The following TRDMT1 variants were observed in gnomAD, a reference collection of about 807,000 sequenced individuals.
The protein encoded by TRDMT1 is tRNA (cytosine(38)-C(5))-methyltransferase.
In TRDMT1, 49 loss-of-function variants were observed where a neutral mutation model predicts 51.2. The ratio of observed to expected loss-of-function variants is 0.96; its 90% CI spans 0.76 to 1.21. The LOEUF is 1.21. Ranked by LOEUF, TRDMT1 falls within the 50% of genes most tolerant of loss-of-function variation. TRDMT1 has a pLI of 0.00. For synonymous variants in TRDMT1, 187 were observed against 164.6 expected (o/e 1.14, Z -1.04); for missense variants, 534 against 462.3 (o/e 1.16, Z -1.42).
At chr10:17,169,315 A>G (rs1841647013) in intron 2 of TRDMT1, 1 of 1,183,526 alleles carries the variant, frequency 8.4e-7, no homozygotes, top group African/African-American at 1.6e-5. Context: ...CCTACCTGTC[A>G]ATAATGTTCT....
At chr10:17,156,106 T>C (rs1012522577) in intron 8 of TRDMT1, among the ~76,000 whole-genome samples, 2 of 152,164 alleles carry the variant, frequency 1.3e-5, no homozygotes, top group African/African-American at 4.8e-5. Context: ...GGGTACAGTG[T>C]ATCATACAAG....
intron 7 of TRDMT1, 22 bp from the exon 8 acceptor site, chr10:17,157,806 CA>C: frequency 6.6e-7 from 1 of 1,504,622 alleles, no homozygotes; most frequent in Non-Finnish European, 8.9e-7. Flanking sequence ...TAAAAATACA[CA>C]AATTGTCAAA....
chr10:17,169,961 G>C (rs1841746678), intron 2 of TRDMT1, among the ~76,000 whole-genome samples: 1 of 152,276 alleles, frequency 6.6e-6, no homozygotes, highest in East Asian at 1.9e-4. Context: ...AACACACGGG[G>C]CAGGGTATTA....
At chr10:17,188,765 T>G (rs983469568) in intron 1 of TRDMT1, among the ~76,000 whole-genome samples, 1 of 152,166 alleles carries the variant, frequency 6.6e-6, no homozygotes, top group African/African-American at 2.4e-5. Context: ...CCTTTTTGAG[T>G]TCGTGTATAA....
At chr10:17,186,628 C>G (rs994459435) in intron 1 of TRDMT1, among the ~76,000 whole-genome samples, 36 of 152,098 alleles carry the variant, frequency 2.4e-4, no homozygotes, top group South Asian at 2.1e-4. Flanking sequence ...GATAATAAAC[C>G]TGTGTTGCTT....
At chr10:17,158,980 A>G (rs1034562646) in intron 7 of TRDMT1, among the ~76,000 whole-genome samples, 166 bp downstream of exon 7, 7 of 152,144 alleles carry the variant, frequency 4.6e-5, no homozygotes, top group Admixed American at 3.3e-4. Context: ...AAAAGTGGCA[A>G]GATGAAAACA....
In TRDMT1 at chr10:17,145,120, G is replaced by T; in HGVS notation, c.*3920C>A. On this transcript the variant is annotated 3_prime_UTR_variant, in exon 11 of 11. Transcript: ENST00000377799. ...AAATTAGCTAGGTGTGGTGGCATGC[G>T]CCTGTAATCCCAGCTACTAGGGAGG... 1.8e-6 allele frequency: 1 copy of T among 563,876 alleles called. No homozygotes were observed. Among genetic ancestry groups the T allele is most frequent in the Non-Finnish European group, 2.2e-6 (1 of 445,000 alleles). 34.9% of individuals were successfully genotyped at this position (563,876 alleles called of 1,614,324 possible).
intron 1 of TRDMT1, among the ~76,000 whole-genome samples, chr10:17,185,610 A>C (rs1843781932): frequency 6.6e-6 from 1 of 152,212 alleles, no homozygotes; most frequent in South Asian, 2.1e-4. Flanking sequence ...ATGCACACGT[A>C]TGTTTATTGC....
Position 17,147,459 on chromosome 10 carries a change from A to G in TRDMT1, c.*1581T>C, listed in dbSNP as rs1485049888. ...TAAATATACAGTTGCAGTGGCATTA[A>G]GTACACTCACACTGTTGTGCAACCA... is the stretch of plus-strand genomic sequence containing the variant. On this transcript the variant is annotated 3_prime_UTR_variant, in exon 11 of 11. Transcript: ENST00000377799. 1.7e-6 allele frequency: 1 copy of G among 596,296 alleles called. No homozygotes were observed. Among genetic ancestry groups the G allele is most frequent in the African/African-American group, 2.0e-5 (1 of 49,672 alleles). The allele number at this position is 596,296 out of a possible 1,614,324, so 36.9% of individuals were successfully genotyped here.
chr10:17,150,297 A>T (rs1405700515), intron 10 of TRDMT1: 1 of 765,028 alleles, frequency 1.3e-6, no homozygotes, highest in African/African-American at 1.9e-5. Context: ...TGTTGACTCA[A>T]ATCCTTGCCC....
rs557869362 is a variant in TRDMT1 at position 17,178,205 on chromosome 10, T to C, written c.65-3545A>G. ...TTAATCAAGTATGTTAACACTGACA[T>C]CTAGTTGTAAGATGAAAGATCAGTT... On this transcript the variant is annotated intron_variant, in intron 1 of 10. Coordinates refer to ENST00000377799, the MANE Select transcript of TRDMT1 (RefSeq NM_004412.7). Among the ~76,000 whole-genome samples the C allele has an allele frequency of 5.9e-5, 9 of 152,312 alleles. No homozygotes were observed. In the South Asian group the frequency reaches 8.3e-4, roughly 14 times the overall value.
intron 5 of TRDMT1, 72 bp from the exon 6 acceptor site, chr10:17,160,446 G>A: frequency 9.5e-7 from 1 of 1,051,608 alleles, no homozygotes; most frequent in Non-Finnish European, 1.3e-6. Flanking sequence ...GTACACAAAA[G>A]CTGGGTTTCT....
chr10:17,176,817 T>C (rs1010681554), intron 1 of TRDMT1, among the ~76,000 whole-genome samples: 1 of 152,222 alleles, frequency 6.6e-6, no homozygotes, highest in Non-Finnish European at 1.5e-5. Context: ...TTTCTTAGTA[T>C]ACAGTTTAAA....
Position 17,154,608 on chromosome 10 carries a change from G to A in TRDMT1, c.945+69C>T, listed in dbSNP as rs182399517. The A allele has an allele frequency of 1.2e-3, 1,417 of 1,227,452 alleles. 9 individuals carry two copies. The highest frequency in any genetic ancestry group is 6.4e-3 in the East Asian group (245 of 38,074). The allele number at this position is 1,227,452 out of a possible 1,614,324, so 76.0% of individuals were successfully genotyped here. ...GTTGAATGCATAAAATTATTCTAAT[G>A]TTCTCAAAGTATTAAACAATTTTAG... is the stretch of plus-strand genomic sequence containing the variant. On this transcript the variant is annotated intron_variant, in intron 9 of 10. Transcript: ENST00000377799.
chr10:17,189,372 T>C (rs959214817), intron 1 of TRDMT1, among the ~76,000 whole-genome samples: 2 of 152,158 alleles, frequency 1.3e-5, no homozygotes, highest in Admixed American at 1.3e-4. Context: ...TTGCCATATA[T>C]GGATATGCAA....
At position 17,141,350 on chromosome 10, in the gene TRDMT1, C is replaced by T. The variant is rs552134263; in HGVS notation, c.*7690G>A. ...CTAATTTTTTTGATTTTAGTAGAGA[C>T]GGGGTTTCACCATGTTGGAAAGGAT... On this transcript the variant is annotated 3_prime_UTR_variant, in exon 11 of 11. Transcript: ENST00000377799. Among the ~76,000 whole-genome samples, 3 of 152,146 alleles carry T rather than the reference C, an allele frequency of 2.0e-5. No individual in the cohort carries two copies. The highest frequency in any genetic ancestry group is 1.9e-4 in the East Asian group (1 of 5,172).
intron 5 of TRDMT1, among the ~76,000 whole-genome samples, chr10:17,160,948 T>A (rs1840265723): frequency 6.6e-6 from 1 of 151,886 alleles, no homozygotes; most frequent in African/African-American, 2.4e-5. Context: ...AAAGTCAGAA[T>A]TGCTAATCTA....
At chr10:17,165,915 T>C (rs970204401) in intron 3 of TRDMT1, among the ~76,000 whole-genome samples, 1 of 152,148 alleles carries the variant, frequency 6.6e-6, no homozygotes, top group Non-Finnish European at 1.5e-5. Context: ...ACTTTTACAC[T>C]GTTGGTGGGA....
chr10:17,163,884 C>CA (rs1414329195), intron 3 of TRDMT1, among the ~76,000 whole-genome samples: 1 of 151,920 alleles, frequency 6.6e-6, no homozygotes, highest in Non-Finnish European at 1.5e-5. Context: ...AATAGCTTAC[C>CA]AACCAAAAAA....
Sources: gnomAD v4.1 joint callset for allele counts (sites outside exome capture counted in the v4.1 genomes callset) on GRCh38, gnomAD v4.1.1 for gene constraint, MANE v1.5 for transcripts, NCBI Gene and HGNC (gene_info 2026-07-23, HGNC 2026-07-21) for gene names.